The following NECTIN3 variants were observed in gnomAD, a reference collection of about 807,000 sequenced individuals.
NECTIN3 encodes the protein nectin-3.
NECTIN3 carries 8 observed loss-of-function variants against 49.4 expected under a neutral mutation model. The ratio of observed to expected loss-of-function variants is 0.16; its 90% CI spans 0.10 to 0.29. The LOEUF (loss-of-function observed/expected upper bound fraction) is 0.29. NECTIN3 is among the 10% of genes least tolerant of loss of function. The pLI is 1.00. For synonymous variants in NECTIN3, 277 were observed against 241.1 expected (o/e 1.15, Z -1.38); for missense variants, 581 against 654.6 (o/e 0.89, Z 1.23).
chr3:111,144,994 C>T (rs2034839220), exon 6 of NECTIN3: 8 of 1,536,494 alleles, frequency 5.2e-6, no homozygotes, highest in Non-Finnish European at 7.0e-6. Flanking sequence ...TGTGACTGTG[C>T]TGCTGACTCC....
chr3:111,127,381 T>C (rs114917935), intron 5 of NECTIN3, among the ~76,000 whole-genome samples: 1,676 of 152,276 alleles, frequency 0.011, 34 homozygotes, highest in African/African-American at 0.038. Flanking sequence ...ATCTTCACAA[T>C]TCAGCAATTT....
chr3:111,133,728 C>T lies in NECTIN3; in HGVS notation c.1163C>T (p.Pro388Leu), dbSNP rs369345930. 1.9e-6 allele frequency: 3 copies of T among 1,613,776 alleles called. No individual in the cohort carries two copies. The African/African-American group carries it at 4.0e-5, about 22-fold the overall frequency. ...EDLATEPKKLPFPLSTLATIK... is the reference protein window; with the variant it reads ...EDLATEPKKLLFPLSTLATIK... ...CTAGCAACAGAACCTAAAAAATTGC[C>T]CTTCCCATTGTCAACTTTGGCAACA... is the stretch of plus-strand genomic sequence containing the variant. Residue 388 changes from proline to leucine, a missense_variant, in exon 6 of 6, where the codon CCC becomes CTC. This residue lies in a region of NECTIN3 where 238 missense variants were observed against 244.9 expected (regional missense o/e 0.97). Transcript: ENST00000485303.
At chr3:111,108,512 A>C (rs1192261324) in intron 1 of NECTIN3, among the ~76,000 whole-genome samples, 1 of 152,054 alleles carries the variant, frequency 6.6e-6, no homozygotes. Context: ...TTCCAATACT[A>C]CCTGTCTTAG....
intron 5 of NECTIN3, among the ~76,000 whole-genome samples, chr3:111,142,825 T>A (rs567524452): frequency 6.6e-6 from 1 of 151,844 alleles, no homozygotes; most frequent in Non-Finnish European, 1.5e-5. Context: ...GTATTAACAT[T>A]GTCATCAAAA....
At chr3:111,145,836 T>C (rs1373659877) in intron 6 of NECTIN3, among the ~76,000 whole-genome samples, 2 of 152,252 alleles carry the variant, frequency 1.3e-5, no homozygotes, top group Non-Finnish European at 2.9e-5. Context: ...TATAGTTCTG[T>C]CTTCATAAAT....
At chr3:111,160,092 T>C (rs939250048) in intron 7 of NECTIN3, among the ~76,000 whole-genome samples, 2 of 152,202 alleles carry the variant, frequency 1.3e-5, no homozygotes, top group Non-Finnish European at 2.9e-5. Flanking sequence ...CTAATATTCC[T>C]TATGAAATAT....
chr3:111,150,931 T>C (rs1300368300), intron 7 of NECTIN3, among the ~76,000 whole-genome samples: 2 of 151,944 alleles, frequency 1.3e-5, no homozygotes, highest in Non-Finnish European at 2.9e-5. Context: ...ATGATAAATA[T>C]AGATAGCTGT....
intron 1 of NECTIN3, among the ~76,000 whole-genome samples, chr3:111,091,730 T>G (rs1425229871): frequency 1.3e-5 from 2 of 152,234 alleles, no homozygotes; most frequent in African/African-American, 4.8e-5. Context: ...TATTTCTGCT[T>G]TGGGGTTATT....
chr3:111,119,863 A>C (rs937199562), intron 3 of NECTIN3, among the ~76,000 whole-genome samples: 1 of 152,144 alleles, frequency 6.6e-6, no homozygotes, highest in Non-Finnish European at 1.5e-5. Flanking sequence ...AGGGAGTTCT[A>C]TTCTTTGTTG....
chr3:111,122,364 C>T (rs1178694965), intron 4 of NECTIN3, 126 bp downstream of exon 4: 12 of 674,076 alleles, frequency 1.8e-5, no homozygotes, highest in Non-Finnish European at 2.6e-5. Flanking sequence ...ATTAAATTTT[C>T]TGTCTTATCC....
chr3:111,094,843 A>G (rs1432335217), intron 1 of NECTIN3, among the ~76,000 whole-genome samples: 1 of 152,224 alleles, frequency 6.6e-6, no homozygotes, highest in Non-Finnish European at 1.5e-5. Flanking sequence ...GAAAGTAGTT[A>G]TTCAGCATAA....
At chr3:111,085,095 G>A (rs868239524) in intron 1 of NECTIN3, among the ~76,000 whole-genome samples, 9 of 152,150 alleles carry the variant, frequency 5.9e-5, no homozygotes, top group Non-Finnish European at 8.8e-5. Flanking sequence ...GTCACATGAC[G>A]TTTTCCCTGT....
intron 7 of NECTIN3, among the ~76,000 whole-genome samples, chr3:111,180,773 C>T (rs1217117706): frequency 6.6e-6 from 1 of 152,132 alleles, no homozygotes; most frequent in African/African-American, 2.4e-5. Context: ...AACGGAGAAA[C>T]TTCTGCATCA....
chr3:111,127,134 A>G (rs2034195431), intron 5 of NECTIN3, among the ~76,000 whole-genome samples: 1 of 152,214 alleles, frequency 6.6e-6, no homozygotes, highest in South Asian at 2.1e-4. Flanking sequence ...AGGTAAAAGG[A>G]AGAGAACCTA....
At chr3:111,100,856 A>G (rs1294453289) in intron 1 of NECTIN3, among the ~76,000 whole-genome samples, 58 of 151,964 alleles carry the variant, frequency 3.8e-4, no homozygotes, top group Non-Finnish European at 1.2e-4. Flanking sequence ...TTTTGCTTGC[A>G]TAGTGCTTAG....
chr3:111,163,358 C>CG (rs2035254643), intron 7 of NECTIN3, among the ~76,000 whole-genome samples: 1 of 152,148 alleles, frequency 6.6e-6, no homozygotes, highest in African/African-American at 2.4e-5. Context: ...GAAGCAACTA[C>CG]AAAGGCCCAC....
At chr3:111,170,061 T>C (rs1031476552) in intron 7 of NECTIN3, among the ~76,000 whole-genome samples, 37 of 152,222 alleles carry the variant, frequency 2.4e-4, no homozygotes, top group African/African-American at 8.4e-4. Flanking sequence ...TATCCACTGA[T>C]GTATTGGATA....
chr3:111,143,086 C>G (rs2034789593), intron 5 of NECTIN3, among the ~76,000 whole-genome samples: 1 of 151,712 alleles, frequency 6.6e-6, no homozygotes, highest in African/African-American at 2.4e-5. Context: ...TGGCTGTGTT[C>G]AGTGGTCAAA....
chr3:111,147,595 G>T, intron 7 of NECTIN3: 1 of 923,598 alleles, frequency 1.1e-6, no homozygotes, highest in Non-Finnish European at 1.6e-6. Flanking sequence ...ATTAAGTGTT[G>T]TTTAGTCATT....
Sources: gnomAD v4.1 joint callset for allele counts (sites outside exome capture counted in the v4.1 genomes callset) on GRCh38, gnomAD v4.1.1 for gene constraint, gnomAD v4.1.1 regional missense constraint, MANE v1.5 for transcripts, NCBI Gene and HGNC (gene_info 2026-07-23, HGNC 2026-07-21) for gene names.